The following DOCK4 variants were observed in gnomAD, a reference collection of about 807,000 sequenced individuals.
The protein encoded by DOCK4 is dedicator of cytokinesis 4, also known as dedicator of cytokinesis protein 4.
Under a neutral mutation model 268.1 loss-of-function variants are expected in DOCK4, and 97 were observed. The observed-to-expected ratio is 0.36, with a 90% confidence interval of 0.31 to 0.43. The LOEUF is 0.43. DOCK4 is among the 20% of genes least tolerant of loss of function. DOCK4 has a pLI of 1.00. For missense variants in DOCK4, 2,145 were observed against 2,455.7 expected, an observed-to-expected ratio of 0.87 and a Z score of 2.67; for synonymous variants, 954 against 887.2, an observed-to-expected ratio of 1.08 and a Z score of -1.34.
At chr7:111,856,750 A>T (rs894188714) in intron 23 of DOCK4, among the ~76,000 whole-genome samples, 2 of 152,098 alleles carry the variant, frequency 1.3e-5, no homozygotes, top group African/African-American at 2.4e-5. Context: ...GGTAAGCGGG[A>T]AGAGGAGGGG....
chr7:111,788,577 T>C, intron 32 of DOCK4, 85 bp downstream of exon 32: 1 of 1,126,884 alleles, frequency 8.9e-7, no homozygotes, highest in Non-Finnish European at 1.3e-6. Flanking sequence ...TCTTTGCAGC[T>C]CTCAGCTACC....
chr7:112,095,645 A>G (rs1219885227), intron 1 of DOCK4, among the ~76,000 whole-genome samples: 1 of 152,224 alleles, frequency 6.6e-6, no homozygotes, highest in Non-Finnish European at 1.5e-5. Flanking sequence ...GATGTAGAGA[A>G]GGACAAAATA....
At chr7:112,002,479 T>C (rs1800505276) in intron 2 of DOCK4, among the ~76,000 whole-genome samples, 1 of 152,206 alleles carries the variant, frequency 6.6e-6, no homozygotes, top group African/African-American at 2.4e-5. Context: ...AGACAAAATA[T>C]ATCTGGCAAT....
At chr7:111,831,094 G>C (rs1420542375) in intron 26 of DOCK4, among the ~76,000 whole-genome samples, 2 of 151,942 alleles carry the variant, frequency 1.3e-5, no homozygotes, top group African/African-American at 4.8e-5. Context: ...TCTCTCTCCT[G>C]AACTTCAGGC....
chr7:112,057,781 A>G (rs939028927), intron 1 of DOCK4, among the ~76,000 whole-genome samples: 1 of 151,804 alleles, frequency 6.6e-6, no homozygotes, highest in Non-Finnish European at 1.5e-5. Context: ...TCTTTATAAA[A>G]TAAATATATA....
intron 22 of DOCK4, among the ~76,000 whole-genome samples, chr7:111,867,029 A>G (rs1806029137): frequency 6.6e-6 from 1 of 152,228 alleles, no homozygotes; most frequent in African/African-American, 2.4e-5. Context: ...CCAAAATGAC[A>G]TTTAAAAGAG....
intron 1 of DOCK4, among the ~76,000 whole-genome samples, chr7:112,138,223 T>C (rs1418454442): frequency 6.6e-6 from 1 of 152,228 alleles, no homozygotes. Context: ...ATTGGTCCCT[T>C]TAGTTGTGTC....
chr7:111,742,499 A>T (rs1333240127), intron 44 of DOCK4, among the ~76,000 whole-genome samples: 2 of 151,912 alleles, frequency 1.3e-5, no homozygotes, highest in African/African-American at 2.4e-5. Flanking sequence ...TGTGCTGCTC[A>T]CTGTTAAGAG....
At chr7:112,170,985 A>T (rs1818037072) in intron 1 of DOCK4, among the ~76,000 whole-genome samples, 1 of 152,226 alleles carries the variant, frequency 6.6e-6, no homozygotes, top group African/African-American at 2.4e-5. Flanking sequence ...CAACACACAC[A>T]CACAGAAAAG....
At chr7:112,178,797 C>A (rs1818742686) in intron 1 of DOCK4, among the ~76,000 whole-genome samples, 1 of 152,186 alleles carries the variant, frequency 6.6e-6, no homozygotes, top group Non-Finnish European at 1.5e-5. Flanking sequence ...TCATTCCTCT[C>A]GTTCATCCTC....
intron 1 of DOCK4, among the ~76,000 whole-genome samples, chr7:112,041,422 A>C (rs1450341739): frequency 6.6e-6 from 1 of 152,238 alleles, no homozygotes; most frequent in Non-Finnish European, 1.5e-5. Flanking sequence ...AATTCAATGT[A>C]TATGAATACA....
At chr7:111,943,611 T>C (rs1408653387) in intron 10 of DOCK4, among the ~76,000 whole-genome samples, 1 of 152,222 alleles carries the variant, frequency 6.6e-6, no homozygotes, top group Non-Finnish European at 1.5e-5. Flanking sequence ...CTTTATCTCA[T>C]AAGAAAACAG....
chr7:112,016,672 T>C (rs1801835179), intron 1 of DOCK4, among the ~76,000 whole-genome samples: 1 of 152,208 alleles, frequency 6.6e-6, no homozygotes, highest in Non-Finnish European at 1.5e-5. Context: ...TAATGGGTTC[T>C]TTTTGAAGTG....
Position 112,171,976 on chromosome 7 carries a change from G to A in DOCK4, c.37+34126C>T, listed in dbSNP as rs140776202. ...CCCTCTGTGCACACGCATCCCTGGT[G>A]TCTCCTTGTGTGTCCAATTTCCTCT... On this transcript the variant is annotated intron_variant, in intron 1 of 52. Coordinates refer to ENST00000428084, the MANE Select transcript of DOCK4 (RefSeq NM_001363540.2). 3.4e-3 allele frequency among the ~76,000 whole-genome samples: 516 copies of A among 152,234 alleles called. 3 individuals carry two copies. The highest frequency in any genetic ancestry group is 4.4e-3 in the Non-Finnish European group (297 of 68,010).
intron 25 of DOCK4, among the ~76,000 whole-genome samples, chr7:111,837,125 C>T (rs1041612648): frequency 1.3e-5 from 2 of 151,390 alleles, no homozygotes; most frequent in Non-Finnish European, 2.9e-5. Flanking sequence ...AATCTTAAAA[C>T]ACTATTCAGA....
chr7:112,105,308 C>T (rs1432241186), intron 1 of DOCK4, among the ~76,000 whole-genome samples: 1 of 151,950 alleles, frequency 6.6e-6, no homozygotes, highest in African/African-American at 2.4e-5. Flanking sequence ...ATTTAAAAAT[C>T]GATGTGAAAA....
At chr7:111,794,750 A>C (rs1338986642) in intron 30 of DOCK4, among the ~76,000 whole-genome samples, 1 of 152,210 alleles carries the variant, frequency 6.6e-6, no homozygotes, top group Non-Finnish European at 1.5e-5. Flanking sequence ...GAAGGCAGCT[A>C]AAATCCTGGG....
rs752454319 is a variant in DOCK4 at position 111,863,525 on chromosome 7, G to T, written c.2320C>A (p.Leu774Met). Reference sequence around the variant, plus strand: ...TCCCGGACATCAAAGAGCTTCAACAGTTCTGAGTACACGGCAGGGAAAGAG... The same window carrying T: ...TCCCGGACATCAAAGAGCTTCAACATTTCTGAGTACACGGCAGGGAAAGAG... ...LSSFPAVYSE[L>M]LKLFDVREVA... is the part of the protein sequence containing the mutation. Residue 774 changes from leucine to methionine, a missense_variant, in exon 23 of 53, where the codon CTG (leucine) becomes ATG (methionine). Physicochemically the swap from Leu to Met is conservative, Grantham distance 15. Transcript: ENST00000428084. 13 of 1,613,282 alleles carry T rather than the reference G, an allele frequency of 8.1e-6. No individual in the cohort carries two copies. Among genetic ancestry groups the T allele is most frequent in the Non-Finnish European group, 1.0e-5 (12 of 1,179,572 alleles).
chr7:111,744,646 T>A (rs1205663315), intron 44 of DOCK4, among the ~76,000 whole-genome samples: 1 of 152,102 alleles, frequency 6.6e-6, no homozygotes, highest in Non-Finnish European at 1.5e-5. Flanking sequence ...TGGGGTGGAG[T>A]GAACCATTCA....
Sources: gnomAD v4.1 joint callset for allele counts (sites outside exome capture counted in the v4.1 genomes callset) on GRCh38, gnomAD v4.1.1 for gene constraint, MANE v1.5 for transcripts, NCBI Gene and HGNC (gene_info 2026-07-23, HGNC 2026-07-21) for gene names.